AGAP1: variants seen among roughly 807,000 people sequenced by gnomAD.
AGAP1 encodes arf-GAP with GTPase, ANK repeat and PH domain-containing protein 1.
AGAP1 carries 29 observed loss-of-function variants against 105.3 expected under a neutral mutation model. That is an observed-to-expected ratio of 0.28 (90% CI 0.21 to 0.38). The LOEUF (loss-of-function observed/expected upper bound fraction) is 0.38, where lower values mean the gene tolerates loss of function less well. Among genes scored for constraint, AGAP1 ranks in the 10% least tolerant of loss-of-function variants. The pLI is 1.00. For synonymous variants in AGAP1, 509 were observed against 485.9 expected (o/e 1.05, Z -0.63); for missense variants, 998 against 1,165.1 (o/e 0.86, Z 2.09).
At chr2:235,885,435 C>T (rs2050230399) in intron 10 of AGAP1, among the ~76,000 whole-genome samples, 1 of 152,208 alleles carries the variant, frequency 6.6e-6, no homozygotes, top group Non-Finnish European at 1.5e-5. Flanking sequence ...CTGTTTATCT[C>T]TCTGTCCCCT....
intron 1 of AGAP1, among the ~76,000 whole-genome samples, chr2:235,579,297 G>C (rs760817625): frequency 1.1e-4 from 16 of 152,136 alleles, no homozygotes; most frequent in Non-Finnish European, 2.2e-4. Flanking sequence ...CTGGTGTGAC[G>C]TAACCTTTCA....
At chr2:235,572,005 T>TACACACACACACACAC (rs1559257500) in intron 1 of AGAP1, among the ~76,000 whole-genome samples, 5 of 75,238 alleles carry the variant, frequency 6.6e-5, no homozygotes, top group African/African-American at 3.4e-4. Flanking sequence ...CACACACACT[T>TACACACACACACACAC]TTTTTTTTTT....
chr2:235,503,368 C>G (rs1293963065), intron 1 of AGAP1, among the ~76,000 whole-genome samples: 1 of 152,094 alleles, frequency 6.6e-6, no homozygotes, highest in Non-Finnish European at 1.5e-5. Flanking sequence ...GAGCCGGGAT[C>G]GCGTATCTGC....
intron 1 of AGAP1, chr2:235,671,075 G>T: frequency 7.9e-7 from 1 of 1,261,444 alleles, no homozygotes; most frequent in Non-Finnish European, 9.9e-7. Context: ...GCGTGGCCGG[G>T]GGTCCCGGGA....
rs1325966269 is a variant in AGAP1, at chr2:235,573,051, CTT to C, written c.163+78203_163+78204del. ...TCTTCTTCTTCTTCTTCTTCTTCTT[CTT>C]CTTCTTCTTTCTTCTTTCTTCTTTC... On this transcript the variant is annotated intron_variant, in intron 1 of 17. Transcript: ENST00000304032. Among the ~76,000 whole-genome samples the C allele has an allele frequency of 8.1e-4, 13 of 16,096 alleles. 1 individual carries two copies. The South Asian group carries it at 0.027, about 34-fold the overall frequency. The allele number at this position is 16,096 out of a possible 152,430, so 10.6% of individuals were successfully genotyped here.
At chr2:235,679,567 C>T (rs1948950062) in intron 1 of AGAP1, among the ~76,000 whole-genome samples, 1 of 152,202 alleles carries the variant, frequency 6.6e-6, no homozygotes, top group African/African-American at 2.4e-5. Context: ...TAATCCCCTT[C>T]CCACTCCTCT....
At chr2:235,688,281 G>T (rs1949565921) in intron 1 of AGAP1, among the ~76,000 whole-genome samples, 1 of 152,192 alleles carries the variant, frequency 6.6e-6, no homozygotes, top group African/African-American at 2.4e-5. Flanking sequence ...TTTTAGGAGT[G>T]TGATCTCTCC....
In AGAP1 at chr2:235,934,756, C is replaced by T. The variant is rs2052906023; in HGVS notation, c.1483+3833C>T. 6.6e-6 allele frequency among the ~76,000 whole-genome samples: 1 copy of T among 151,662 alleles called. No homozygotes were observed. Among genetic ancestry groups the T allele is most frequent in the African/African-American group, 2.4e-5 (1 of 41,290 alleles). On this transcript the variant is annotated intron_variant, in intron 12 of 17. Transcript: ENST00000304032. The surrounding 1 kb of genome is among the most constrained non-coding windows in gnomAD (Gnocchi z 4.9). ...TTCAGAGTCGCTTACTCTGTGCTGG[C>T]AGCAGGAATGAATGGGGAGAGCCTA...
chr2:236,043,739 G>A (rs1188222708), intron 15 of AGAP1, among the ~76,000 whole-genome samples: 2 of 146,884 alleles, frequency 1.4e-5, no homozygotes, highest in Non-Finnish European at 3.0e-5. Context: ...AAAAAAAAGT[G>A]GGGGGGGTGC....
At chr2:235,648,034 A>G (rs1947450401) in intron 1 of AGAP1, among the ~76,000 whole-genome samples, 1 of 152,206 alleles carries the variant, frequency 6.6e-6, no homozygotes, top group East Asian at 1.9e-4. Flanking sequence ...TCCAACCCCC[A>G]AGTTATTCTT....
rs7588989 is a variant in AGAP1 at position 235,733,777 on chromosome 2, A to G, written c.311-7186A>G. ...GAAATAGTCAGCAGTCGCCACATGC[A>G]GGGTCCTCACTCACTGCTGGTACCT... On this transcript the variant is annotated intron_variant, in intron 3 of 17. Transcript: ENST00000304032. This position sits in a 1 kb window ranked among gnomAD's most constrained non-coding sequence, Gnocchi z 5.0. 0.76 allele frequency among the ~76,000 whole-genome samples: 114,903 copies of G among 152,070 alleles called. 44,005 individuals carry two copies. Among genetic ancestry groups the G allele is most frequent in the East Asian group, 0.99 (5,092 of 5,166 alleles).
chr2:235,883,689 C>T lies in AGAP1; in HGVS notation c.1155+240C>T, dbSNP rs558884854. On this transcript the variant is annotated intron_variant, in intron 10 of 17. Transcript: ENST00000304032. This position sits in a 1 kb window ranked among gnomAD's most constrained non-coding sequence, Gnocchi z 4.5. ...GGCTTTCCAATTCTACAAAGAATTA[C>T]AATAAAAGGCACAGATGAAGTAAAA... is the stretch of plus-strand genomic sequence containing the variant. Among the ~76,000 whole-genome samples the T allele has an allele frequency of 3.9e-5, 6 of 152,082 alleles. No homozygotes were observed. The highest frequency in any genetic ancestry group is 1.4e-4 in the African/African-American group (6 of 41,450).
At chr2:236,067,413 ACT>A (rs1190519044) in intron 16 of AGAP1, among the ~76,000 whole-genome samples, 1 of 152,174 alleles carries the variant, frequency 6.6e-6, no homozygotes, top group African/African-American at 2.4e-5. Context: ...AGAGTGAGAC[ACT>A]CTGAGCAAGT....
intron 16 of AGAP1, among the ~76,000 whole-genome samples, chr2:236,066,294 C>T (rs890263406): frequency 6.6e-6 from 1 of 152,322 alleles, no homozygotes; most frequent in South Asian, 2.1e-4. Context: ...GGCACAATCT[C>T]AGTTCACTGC....
rs1957493070 is a variant in AGAP1, at chr2:235,801,501, G to A, written c.957+1979G>A. On this transcript the variant is annotated intron_variant, in intron 8 of 17. Transcript: ENST00000304032. The surrounding 1 kb of genome is among the most constrained non-coding windows in gnomAD (Gnocchi z 6.0). Reference sequence around the variant, plus strand: ...CATGGATAACATGTTTTATTGGGCAGTTTCTTCACACACACCGAGAACAGC... The same window carrying A: ...CATGGATAACATGTTTTATTGGGCAATTTCTTCACACACACCGAGAACAGC... Among the ~76,000 whole-genome samples the A allele has an allele frequency of 6.6e-6, 1 of 152,088 alleles. No homozygotes were observed. The highest frequency in any genetic ancestry group is 2.4e-5 in the African/African-American group (1 of 41,396).
chr2:235,680,943 G>A (rs1283590275), intron 1 of AGAP1, among the ~76,000 whole-genome samples: 1 of 152,120 alleles, frequency 6.6e-6, no homozygotes, highest in South Asian at 2.1e-4. Flanking sequence ...TCAGGATGCA[G>A]CCAGCTGTGT....
chr2:235,696,803 G>A (rs994345059), intron 1 of AGAP1, among the ~76,000 whole-genome samples: 2 of 152,028 alleles, frequency 1.3e-5, no homozygotes, highest in African/African-American at 4.8e-5. Flanking sequence ...AGCCAACACA[G>A]TGAAACCCCG....
At chr2:235,907,712 A>G (rs978792661) in intron 10 of AGAP1, among the ~76,000 whole-genome samples, 5 of 152,216 alleles carry the variant, frequency 3.3e-5, no homozygotes, top group Non-Finnish European at 7.3e-5. Context: ...CAAGTTCCTT[A>G]TATAATACAG....
At position 235,582,085 on chromosome 2, in the gene AGAP1, A is replaced by C. The variant is rs898996536; in HGVS notation, c.163+87236A>C. 6.6e-6 allele frequency among the ~76,000 whole-genome samples: 1 copy of C among 152,166 alleles called. No individual in the cohort carries two copies. The highest frequency in any genetic ancestry group is 2.4e-5 in the African/African-American group (1 of 41,440). On this transcript the variant is annotated intron_variant, in intron 1 of 17. Coordinates refer to ENST00000304032, the MANE Select transcript of AGAP1 (RefSeq NM_001037131.3). The surrounding 1 kb of genome is among the most constrained non-coding windows in gnomAD (Gnocchi z 4.7). ...TTCCATCCAGGGAAGACGTGATTGC[A>C]GCAGGCAGGAGTTGATAGTGATGCT... is the stretch of plus-strand genomic sequence containing the variant.
Sources: gnomAD v4.1 joint callset for allele counts (sites outside exome capture counted in the v4.1 genomes callset) on GRCh38, gnomAD v4.1.1 for gene constraint, Gnocchi (gnomAD v3.1) non-coding constraint, MANE v1.5 for transcripts, NCBI Gene and HGNC (gene_info 2026-07-23, HGNC 2026-07-21) for gene names.